The following MAP3K9 variants were observed in gnomAD, a reference collection of about 807,000 sequenced individuals.
MAP3K9 encodes mixed lineage kinase 1 (tyr and ser/thr specificity).
In MAP3K9, 46 loss-of-function variants were observed where a neutral mutation model predicts 95.8. The observed-to-expected ratio is 0.48, with a 90% CI of 0.38 to 0.61. The LOEUF (loss-of-function observed/expected upper bound fraction) is 0.61, where lower values mean the gene tolerates loss of function less well. Ranked by LOEUF, MAP3K9 falls within the 20% of genes least tolerant of loss-of-function variation. The pLI is 0.00. For synonymous variants in MAP3K9, 533 were observed against 593.8 expected, an observed-to-expected ratio of 0.90 and a Z score of 1.49; for missense variants, 1,296 against 1,474.3, an observed-to-expected ratio of 0.88 and a Z score of 1.98.
chr14:70,760,424 A>C (rs2054357666), intron 3 of MAP3K9, among the ~76,000 whole-genome samples: 1 of 152,142 alleles, frequency 6.6e-6, no homozygotes, highest in Non-Finnish European at 1.5e-5. Flanking sequence ...AGTTCTGGGC[A>C]CATATTTGGG....
At chr14:70,738,428 A>G in intron 7 of MAP3K9, 30 bp from the exon 8 acceptor site, 2 of 1,609,842 alleles carry the variant, frequency 1.2e-6, no homozygotes, top group Non-Finnish European at 1.7e-6. Context: ...GATAGGATCT[A>G]GAAAATGGAC....
chr14:70,741,117 T>A (rs1019982502), intron 6 of MAP3K9, among the ~76,000 whole-genome samples: 2 of 151,732 alleles, frequency 1.3e-5, no homozygotes, highest in African/African-American at 4.8e-5. Flanking sequence ...TGAGATGGAG[T>A]TTCACTCTTG....
rs914738850 is a variant in MAP3K9, at chr14:70,761,096, G to A, written c.907C>T (p.Arg303Ter). The A allele has an allele frequency of 7.4e-6, 12 of 1,614,032 alleles. No individual in the cohort carries two copies. Among genetic ancestry groups the A allele is most frequent in the African/African-American group, 1.3e-5 (1 of 74,996 alleles). ...TDFGLAREWH[R>*]TTKMSAAGTY... ...CCTGCCGCACTCATCTTGGTGGTTC[G>A]GTGCCATTCCCGAGCCAGGCCAAAA... Residue 303 changes from arginine (R) to a stop codon, truncating the protein, a stop_gained, in exon 3 of 12, where the codon CGA (arginine) becomes TGA (stop). Coordinates refer to ENST00000554752, the MANE Select transcript of MAP3K9 (RefSeq NM_001284230.2). LOFTEE classifies it high-confidence loss of function.
At chr14:70,774,179 G>T (rs2054565448) in intron 2 of MAP3K9, among the ~76,000 whole-genome samples, 1 of 152,156 alleles carries the variant, frequency 6.6e-6, no homozygotes, top group African/African-American at 2.4e-5. Flanking sequence ...GTATGTATCA[G>T]GCACTGTGCT....
intron 3 of MAP3K9, among the ~76,000 whole-genome samples, chr14:70,750,976 C>T (rs1332162111): frequency 6.6e-6 from 1 of 152,122 alleles, no homozygotes; most frequent in Non-Finnish European, 1.5e-5. Context: ...AGATTTTGTT[C>T]CTATAAAAGA....
Position 70,723,776 on chromosome 14 carries a change from C to G in MAP3K9, c.*6604G>C, listed in dbSNP as rs542945486. 1 of 152,094 alleles carries G rather than the reference C, an allele frequency of 6.6e-6. No homozygotes were observed. The highest frequency in any genetic ancestry group is 1.5e-5 in the Non-Finnish European group (1 of 68,042). 9.4% of individuals were successfully genotyped at this position (152,094 alleles called of 1,614,324 possible). On this transcript the variant is annotated 3_prime_UTR_variant, in exon 12 of 12. Coordinates refer to ENST00000554752, the MANE Select transcript of MAP3K9 (RefSeq NM_001284230.2). ...TATATGAATCACTAGGACAGCACCG[C>G]CCCCCACGTGGAAAAAAATTAATGA...
At chr14:70,796,688 G>C (rs1418563333) in intron 2 of MAP3K9, among the ~76,000 whole-genome samples, 1 of 152,152 alleles carries the variant, frequency 6.6e-6, no homozygotes, top group Non-Finnish European at 1.5e-5. Context: ...CAGCCACATG[G>C]GGCACCTTTT....
chr14:70,798,470 A>AATTTTTT (rs1355994940), intron 2 of MAP3K9, among the ~76,000 whole-genome samples: 1 of 108,342 alleles, frequency 9.2e-6, no homozygotes, highest in African/African-American at 3.6e-5. Context: ...GGTCACCAAA[A>AATTTTTT]GTTTTTTTTT....
chr14:70,790,465 C>T (rs1252061873), intron 2 of MAP3K9, among the ~76,000 whole-genome samples: 20 of 152,204 alleles, frequency 1.3e-4, no homozygotes. Flanking sequence ...CACAGACGTG[C>T]CCAAGGCCAC....
intron 10 of MAP3K9, 115 bp downstream of exon 10, chr14:70,734,271 A>G (rs2053953334): frequency 4.0e-6 from 3 of 748,002 alleles, no homozygotes; most frequent in East Asian, 5.0e-5. Context: ...AAACATTCCC[A>G]ATGTTTCCTC....
intron 1 of MAP3K9, among the ~76,000 whole-genome samples, chr14:70,803,748 C>T (rs1374588773): frequency 6.6e-6 from 1 of 152,178 alleles, no homozygotes; most frequent in Admixed American, 6.5e-5. Context: ...GAGGTTATCA[C>T]CTTATCCAGC....
chr14:70,775,410 A>G (rs2054585426), intron 2 of MAP3K9, among the ~76,000 whole-genome samples: 1 of 152,156 alleles, frequency 6.6e-6, no homozygotes, highest in African/African-American at 2.4e-5. Flanking sequence ...CTTTCACTAT[A>G]CCCTGCTGCC....
chr14:70,766,742 C>T (rs199891574), intron 2 of MAP3K9, among the ~76,000 whole-genome samples: 1 of 152,172 alleles, frequency 6.6e-6, no homozygotes, highest in Non-Finnish European at 1.5e-5. Flanking sequence ...ATCTGTCTGA[C>T]TTCAGAACCA....
At chr14:70,745,814 A>G (rs187902977) in intron 5 of MAP3K9, among the ~76,000 whole-genome samples, 1 of 152,290 alleles carries the variant, frequency 6.6e-6, no homozygotes, top group Non-Finnish European at 1.5e-5. Context: ...TGGTAGGCCT[A>G]GGTACTCAGT....
intron 2 of MAP3K9, among the ~76,000 whole-genome samples, chr14:70,789,813 A>G (rs937441058): frequency 2.6e-5 from 4 of 152,196 alleles, no homozygotes; most frequent in African/African-American, 9.6e-5. Flanking sequence ...TGTCTAATGT[A>G]TATGTCTCAC....
In MAP3K9 at chr14:70,774,983, C is replaced by CAAAAAAAAAAAAA. The variant is rs60144338; in HGVS notation, c.821-13814_821-13802dup. On this transcript the variant is annotated intron_variant, in intron 2 of 11. Coordinates refer to ENST00000554752, the MANE Select transcript of MAP3K9 (RefSeq NM_001284230.2). ...TGGAGACAGAGTGAGACTCTGTCCC[C>CAAAAAAAAAAAAA]AAAAAAAAAAAAAAAAAAAAAAAAA... 9.3e-4 allele frequency among the ~76,000 whole-genome samples: 51 copies of CAAAAAAAAAAAAA among 55,114 alleles called. 3 individuals carry two copies. Among genetic ancestry groups the CAAAAAAAAAAAAA allele is most frequent in the Non-Finnish European group, 1.0e-3 (35 of 33,628 alleles). 36.2% of individuals were successfully genotyped at this position (55,114 alleles called of 152,430 possible).
At chr14:70,785,828 G>A (rs1246394097) in intron 2 of MAP3K9, among the ~76,000 whole-genome samples, 2 of 152,134 alleles carry the variant, frequency 1.3e-5, no homozygotes, top group South Asian at 2.1e-4. Flanking sequence ...ACTTCATTGC[G>A]CTACTCAGAA....
chr14:70,739,586 C>T (rs1435038551), intron 7 of MAP3K9, among the ~76,000 whole-genome samples: 1 of 151,234 alleles, frequency 6.6e-6, no homozygotes, highest in Non-Finnish European at 1.5e-5. Context: ...TAAAATTGGT[C>T]CAGATTTGGC....
chr14:70,756,684 C>T (rs1478757730), intron 3 of MAP3K9, among the ~76,000 whole-genome samples: 2 of 152,196 alleles, frequency 1.3e-5, no homozygotes, highest in African/African-American at 2.4e-5. Flanking sequence ...ATAACAGTCA[C>T]CCAATTTAAC....
Sources: gnomAD v4.1 joint callset for allele counts (sites outside exome capture counted in the v4.1 genomes callset) on GRCh38, gnomAD v4.1.1 for gene constraint, MANE v1.5 for transcripts, NCBI Gene and HGNC (gene_info 2026-07-23, HGNC 2026-07-21) for gene names.